Variants in CLVS1 observed in about 807,000 individuals in gnomAD.
CLVS1 encodes the protein clavesin 1.
CLVS1 carries 10 observed loss-of-function variants against 33.1 expected under a neutral mutation model. That is an observed-to-expected ratio of 0.30 (90% CI 0.19 to 0.51). The LOEUF is 0.51. Among genes scored for constraint, CLVS1 ranks in the 20% least tolerant of loss-of-function variants. CLVS1 has a pLI of 0.97. For missense variants in CLVS1, 343 were observed against 433.4 expected, an observed-to-expected ratio of 0.79 and a Z score of 1.85; for synonymous variants, 163 against 166.1, an observed-to-expected ratio of 0.98 and a Z score of 0.14.
the CLVS1 span, among the ~76,000 whole-genome samples, chr8:61,011,384 T>C: frequency 6.6e-6 from 1 of 152,220 alleles, no homozygotes; most frequent in African/African-American, 2.4e-5. Flanking sequence ...GATGGGGTTA[T>C]TTTGCCTGTG....
intron 3 of CLVS1, chr8:61,378,125 C>T (rs573757813): frequency 2.0e-4 from 30 of 152,254 alleles, no homozygotes; most frequent in African/African-American, 5.3e-4. Flanking sequence ...TTATATCATG[C>T]GCTTAAATTA....
At chr8:61,150,060 G>C (rs150065913) in intron 2 of CLVS1, among the ~76,000 whole-genome samples, 240 of 147,884 alleles carry the variant, frequency 1.6e-3, no homozygotes, top group South Asian at 0.016. Flanking sequence ...CTTTGGGAAA[G>C]TCAATTTTAA....
the CLVS1 span, among the ~76,000 whole-genome samples, chr8:60,983,483 T>A: frequency 6.6e-6 from 1 of 152,112 alleles, no homozygotes; most frequent in African/African-American, 2.4e-5. Context: ...GAGCCAGCAT[T>A]TTCAAAAAGC....
chr8:61,071,405 T>G (rs1338953304), intron 1 of CLVS1, among the ~76,000 whole-genome samples: 1 of 152,188 alleles, frequency 6.6e-6, no homozygotes, highest in Non-Finnish European at 1.5e-5. Flanking sequence ...TTGTGGCCCC[T>G]TCCTGGCATC....
intron 2 of CLVS1, among the ~76,000 whole-genome samples, chr8:61,229,373 A>T (rs1021914659): frequency 2.6e-5 from 4 of 152,194 alleles, no homozygotes; most frequent in African/African-American, 9.7e-5. Flanking sequence ...CAAATGCTTT[A>T]CCTCTGTTCC....
intron 2 of CLVS1, among the ~76,000 whole-genome samples, chr8:61,173,177 T>C (rs554831351): frequency 8.5e-5 from 13 of 152,136 alleles, no homozygotes; most frequent in Admixed American, 2.0e-4. Context: ...CACACACAAG[T>C]AGATAGGGTA....
chr8:61,114,053 A>G (rs1282417001), intron 1 of CLVS1, among the ~76,000 whole-genome samples: 3 of 152,264 alleles, frequency 2.0e-5, no homozygotes, highest in African/African-American at 2.4e-5. Flanking sequence ...TGCAAAAGCA[A>G]CCACAGATGA....
chr8:61,487,953 G>A (rs1427004148), intron 5 of CLVS1, among the ~76,000 whole-genome samples: 1 of 152,170 alleles, frequency 6.6e-6, no homozygotes, highest in African/African-American at 2.4e-5. Context: ...CAAAGTAACT[G>A]CACTGAGCAT....
intron 5 of CLVS1, among the ~76,000 whole-genome samples, chr8:61,490,826 C>T (rs1231174273): frequency 1.3e-5 from 2 of 151,360 alleles, no homozygotes; most frequent in Non-Finnish European, 2.9e-5. Flanking sequence ...AGCGTGGTGG[C>T]GGGTGCCTGT....
intron 2 of CLVS1, among the ~76,000 whole-genome samples, chr8:61,213,433 G>A (rs1023506826): frequency 4.4e-5 from 4 of 91,084 alleles, no homozygotes; most frequent in Non-Finnish European, 7.9e-5. Context: ...CAGATGTTGC[G>A]GGAAGTCAGG....
chr8:61,204,482 T>C (rs1189449133), intron 2 of CLVS1, among the ~76,000 whole-genome samples: 3 of 152,214 alleles, frequency 2.0e-5, no homozygotes, highest in Non-Finnish European at 4.4e-5. Flanking sequence ...CTATTAAAAA[T>C]GTACTTAATG....
chr8:61,374,745 AT>A (rs990108707), intron 2 of CLVS1, among the ~76,000 whole-genome samples: 5 of 152,046 alleles, frequency 3.3e-5, no homozygotes, highest in African/African-American at 1.2e-4. Flanking sequence ...TAAAGTTACA[AT>A]TTTTTTTAAT....
chr8:61,434,043 A>C (rs1816217583), intron 3 of CLVS1, among the ~76,000 whole-genome samples: 1 of 152,166 alleles, frequency 6.6e-6, no homozygotes, highest in South Asian at 2.1e-4. Flanking sequence ...AGGATCCTGG[A>C]GGGCTACTGT....
intron 1 of CLVS1, among the ~76,000 whole-genome samples, chr8:61,068,385 A>G (rs1563390886): frequency 6.6e-6 from 1 of 151,774 alleles, no homozygotes; most frequent in Non-Finnish European, 1.5e-5. Context: ...AGGCCCACTA[A>G]TCATATCTCC....
At chr8:60,984,052 G>A in the CLVS1 span, among the ~76,000 whole-genome samples, 1 of 152,152 alleles carries the variant, frequency 6.6e-6, no homozygotes, top group Non-Finnish European at 1.5e-5. Context: ...AGCCTAGCCT[G>A]TACCCTGACC....
intron 2 of CLVS1, among the ~76,000 whole-genome samples, chr8:61,207,655 T>C (rs1807883434): frequency 6.6e-6 from 1 of 152,218 alleles, no homozygotes; most frequent in Admixed American, 6.5e-5. Flanking sequence ...ATATTCCAGG[T>C]GTGTGGCCAC....
chr8:61,034,804 G>C, the CLVS1 span, among the ~76,000 whole-genome samples: 1 of 152,142 alleles, frequency 6.6e-6, no homozygotes, highest in Non-Finnish European at 1.5e-5. Flanking sequence ...TTACAAGAAG[G>C]AAGCAGAGGA....
chr8:61,036,496 G>A, the CLVS1 span, among the ~76,000 whole-genome samples: 1 of 152,212 alleles, frequency 6.6e-6, no homozygotes, highest in African/African-American at 2.4e-5. Context: ...TAAAAGGTGT[G>A]CATTAAAGGG....
At chr8:61,149,508 C>T (rs150872851) in intron 2 of CLVS1, among the ~76,000 whole-genome samples, 3,759 of 143,652 alleles carry the variant, frequency 0.026, 152 homozygotes, top group African/African-American at 0.091. Context: ...GCCAAGATCA[C>T]GCCACTGTAC....
Sources: gnomAD v4.1 joint callset for allele counts (sites outside exome capture counted in the v4.1 genomes callset) on GRCh38, gnomAD v4.1.1 for gene constraint, MANE v1.5 for transcripts, NCBI Gene and HGNC (gene_info 2026-07-23, HGNC 2026-07-21) for gene names.